The following HS6ST3 variants were observed in gnomAD, a reference collection of about 807,000 sequenced individuals.
The protein encoded by HS6ST3 is heparan sulfate 6-O-sulfotransferase 3.
HS6ST3 carries 12 observed loss-of-function variants against 36.7 expected under a neutral mutation model. The observed-to-expected ratio is 0.33, with a 90% CI of 0.21 to 0.53. The LOEUF is 0.53. HS6ST3 is among the 20% of genes least tolerant of loss of function. The pLI is 0.95. For synonymous variants in HS6ST3, 240 were observed against 257.5 expected, an observed-to-expected ratio of 0.93 and a Z score of 0.65; for missense variants, 584 against 640.9, an observed-to-expected ratio of 0.91 and a Z score of 0.96.
At position 96,519,631 on chromosome 13, in the gene HS6ST3, A is replaced by G. The variant is rs149654473; in HGVS notation, c.708-312859A>G. On this transcript the variant is annotated intron_variant, in intron 1 of 1. Coordinates refer to ENST00000376705, the MANE Select transcript of HS6ST3 (RefSeq NM_153456.4). ...TACTTGGAAAGACCTTTATTTGCCTATTCATAGCTTAGGAGGCAGTATGGT... is the reference window on the plus strand; with the variant it reads ...TACTTGGAAAGACCTTTATTTGCCTGTTCATAGCTTAGGAGGCAGTATGGT... Among the ~76,000 whole-genome samples, 7 of 152,322 alleles carry G rather than the reference A, an allele frequency of 4.6e-5. No homozygotes were observed. The East Asian group carries it at 1.2e-3, about 25-fold the overall frequency.
At chr13:96,418,870 G>A (rs1293388011) in intron 1 of HS6ST3, among the ~76,000 whole-genome samples, 1 of 152,210 alleles carries the variant, frequency 6.6e-6, no homozygotes, top group African/African-American at 2.4e-5. Flanking sequence ...TCAGAAACCT[G>A]CCGGCCTTAG....
In HS6ST3 at chr13:96,533,984, A is replaced by C. The variant is rs530219976; in HGVS notation, c.708-298506A>C. 3.9e-5 allele frequency among the ~76,000 whole-genome samples: 6 copies of C among 152,266 alleles called. No individual in the cohort carries two copies. In the East Asian group the frequency reaches 9.7e-4, roughly 25 times the overall value. On this transcript the variant is annotated intron_variant, in intron 1 of 1. Transcript: ENST00000376705. ...CCCTTTCTCATCATTCATTCCGCCC[A>C]TCAGGCATTGCTTCTCCAGCCCCCA...
intron 1 of HS6ST3, among the ~76,000 whole-genome samples, chr13:96,372,452 G>C (rs949659220): frequency 6.6e-6 from 1 of 151,988 alleles, no homozygotes; most frequent in African/African-American, 2.4e-5. Flanking sequence ...TTGTTGATTG[G>C]TTCCATATGC....
intron 1 of HS6ST3, among the ~76,000 whole-genome samples, chr13:96,219,626 A>G (rs1202391110): frequency 1.3e-5 from 2 of 152,186 alleles, no homozygotes; most frequent in South Asian, 4.1e-4. Flanking sequence ...GCATGTTGAT[A>G]AAAGTGTGGA....
intron 1 of HS6ST3, among the ~76,000 whole-genome samples, chr13:96,244,794 A>G (rs2054577189): frequency 6.6e-6 from 1 of 152,210 alleles, no homozygotes; most frequent in Non-Finnish European, 1.5e-5. Context: ...GGTGGCCTAT[A>G]ACAGAAGTCT....
At chr13:96,335,936 CTAAG>C (rs1307035006) in intron 1 of HS6ST3, among the ~76,000 whole-genome samples, 1 of 152,034 alleles carries the variant, frequency 6.6e-6, no homozygotes, top group Non-Finnish European at 1.5e-5. Flanking sequence ...TATAATAAAC[CTAAG>C]TGTTTGACAT....
intron 1 of HS6ST3, among the ~76,000 whole-genome samples, chr13:96,278,057 C>A (rs2054756925): frequency 6.6e-6 from 1 of 152,194 alleles, no homozygotes; most frequent in African/African-American, 2.4e-5. Context: ...ACATGGCTGA[C>A]ATGGCTAACC....
chr13:96,412,152 G>C (rs534637268), intron 1 of HS6ST3, among the ~76,000 whole-genome samples: 1 of 152,018 alleles, frequency 6.6e-6, no homozygotes, highest in South Asian at 2.1e-4. Flanking sequence ...CTACAGGCAC[G>C]CACCACCACG....
At chr13:96,130,677 G>T (rs1161727084) in intron 1 of HS6ST3, among the ~76,000 whole-genome samples, 1 of 152,100 alleles carries the variant, frequency 6.6e-6, no homozygotes, top group African/African-American at 2.4e-5. Flanking sequence ...CCCCAAATCT[G>T]CATTCATTAT....
chr13:96,131,342 TA>T (rs1488167168), intron 1 of HS6ST3, among the ~76,000 whole-genome samples: 2 of 152,106 alleles, frequency 1.3e-5, no homozygotes, highest in Non-Finnish European at 2.9e-5. Flanking sequence ...AGGCTTAGGA[TA>T]TTTTTTCTTT....
At chr13:96,822,082 C>T (rs929295094) in intron 1 of HS6ST3, among the ~76,000 whole-genome samples, 5 of 152,252 alleles carry the variant, frequency 3.3e-5, no homozygotes, top group Middle Eastern at 3.4e-3. Context: ...TTAGCTAAGA[C>T]GAGAGCATGG....
chr13:96,471,980 G>A (rs1484409578), intron 1 of HS6ST3, among the ~76,000 whole-genome samples: 1 of 152,158 alleles, frequency 6.6e-6, no homozygotes, highest in African/African-American at 2.4e-5. Context: ...AAGAGGCAGA[G>A]GCTACCTGGG....
intron 1 of HS6ST3, among the ~76,000 whole-genome samples, chr13:96,233,876 T>C (rs568006112): frequency 2.0e-5 from 3 of 152,238 alleles, no homozygotes; most frequent in Admixed American, 6.5e-5. Context: ...GGGGATTTAG[T>C]GTTAAGGATC....
chr13:96,479,245 G>A (rs2055878552), intron 1 of HS6ST3, among the ~76,000 whole-genome samples: 1 of 152,186 alleles, frequency 6.6e-6, no homozygotes, highest in Admixed American at 6.5e-5. Context: ...AAGGTGGGCA[G>A]GTGGACAAAA....
At chr13:96,207,550 T>A (rs148235265) in intron 1 of HS6ST3, among the ~76,000 whole-genome samples, 1,750 of 152,152 alleles carry the variant, frequency 0.012, 35 homozygotes, top group African/African-American at 0.04. Flanking sequence ...GCAGCACTAT[T>A]CACAATAGCA....
chr13:96,198,199 G>A (rs1419193172), intron 1 of HS6ST3, among the ~76,000 whole-genome samples: 4 of 152,192 alleles, frequency 2.6e-5, no homozygotes, highest in Admixed American at 1.3e-4. Context: ...GGGACACAGG[G>A]CACCAAGTGC....
At chr13:96,530,823 T>G (rs185910390) in intron 1 of HS6ST3, among the ~76,000 whole-genome samples, 4 of 152,342 alleles carry the variant, frequency 2.6e-5, no homozygotes, top group East Asian at 3.9e-4. Flanking sequence ...ATCCTCAAAC[T>G]GTTGTCAGTC....
At chr13:96,349,674 G>A (rs2055172690) in intron 1 of HS6ST3, among the ~76,000 whole-genome samples, 2 of 152,012 alleles carry the variant, frequency 1.3e-5, no homozygotes, top group South Asian at 2.1e-4. Context: ...GGACTTTATT[G>A]CAACATAAGA....
At chr13:96,158,081 C>T (rs1443962232) in intron 1 of HS6ST3, among the ~76,000 whole-genome samples, 1 of 152,092 alleles carries the variant, frequency 6.6e-6, no homozygotes, top group Non-Finnish European at 1.5e-5. Context: ...GAGAGAAAGC[C>T]TCACAAAGTA....
Sources: allele counts gnomAD v4.1 joint callset (sites outside exome capture counted in the v4.1 genomes callset), GRCh38; gene constraint gnomAD v4.1.1; transcripts MANE v1.5; gene names NCBI Gene and HGNC (gene_info 2026-07-23, HGNC 2026-07-21).